TECRL: variants seen among roughly 807,000 people sequenced by gnomAD.
The protein encoded by TECRL is trans-2,3-enoyl-CoA reductase-like.
A neutral mutation model predicts 52.8 loss-of-function variants in TECRL; 63 were observed. That is an observed-to-expected ratio of 1.19 (90% confidence interval 0.97 to 1.47). The LOEUF is 1.47. TECRL is among the 40% of genes most tolerant of loss of function. The pLI is 0.00. For missense variants in TECRL, 482 were observed against 429.6 expected, an observed-to-expected ratio of 1.12 and a Z score of -1.08; for synonymous variants, 164 against 141.9, an observed-to-expected ratio of 1.16 and a Z score of -1.10.
rs1488586136 is a variant in TECRL, at chr4:64,326,260, T to C, written c.331+2252A>G. On this transcript the variant is annotated intron_variant, in intron 3 of 11. Transcript: ENST00000381210. ...TTTTCTATGTAGAAATCCAATCATT[T>C]TAAACATTAGAAATTTTCCCAGTCC... 6.6e-5 allele frequency among the ~76,000 whole-genome samples: 10 copies of C among 152,252 alleles called. No homozygotes were observed. In the East Asian group the frequency reaches 1.7e-3, roughly 26 times the overall value.
At chr4:64,345,378 T>G (rs1478525299) in intron 2 of TECRL, among the ~76,000 whole-genome samples, 1 of 151,946 alleles carries the variant, frequency 6.6e-6, no homozygotes, top group Non-Finnish European at 1.5e-5. Context: ...GCCATAAAAA[T>G]GATGAGTTCA....
intron 1 of TECRL, among the ~76,000 whole-genome samples, chr4:64,381,952 G>T (rs1019978463): frequency 3.3e-5 from 5 of 151,576 alleles, no homozygotes; most frequent in Non-Finnish European, 5.9e-5. Flanking sequence ...GCTGGACAAT[G>T]GAATGTTATG....
chr4:64,302,978 A>T (rs2109981369), intron 7 of TECRL, among the ~76,000 whole-genome samples: 1 of 151,306 alleles, frequency 6.6e-6, no homozygotes, highest in Non-Finnish European at 1.5e-5. Context: ...GTTTTTAAGA[A>T]TTTTTTTGTG....
intron 6 of TECRL, among the ~76,000 whole-genome samples, chr4:64,309,502 G>C (rs1724538965): frequency 6.6e-6 from 1 of 152,052 alleles, no homozygotes; most frequent in Admixed American, 6.6e-5. Context: ...ATATTTGTAG[G>C]AACGTTCTTA....
chr4:64,396,384 T>C (rs372103216), intron 1 of TECRL, among the ~76,000 whole-genome samples: 4 of 152,198 alleles, frequency 2.6e-5, no homozygotes, highest in African/African-American at 9.6e-5. Context: ...TGTGATGGTT[T>C]CTCATTGTGG....
intron 2 of TECRL, among the ~76,000 whole-genome samples, chr4:64,352,625 T>C (rs1720475816): frequency 6.6e-6 from 1 of 152,206 alleles, no homozygotes; most frequent in Non-Finnish European, 1.5e-5. Context: ...AACTTATATG[T>C]CTTTATTTTT....
At chr4:64,368,334 C>T (rs539151952) in intron 2 of TECRL, among the ~76,000 whole-genome samples, 1 of 152,052 alleles carries the variant, frequency 6.6e-6, no homozygotes, top group Non-Finnish European at 1.5e-5. Context: ...TTGCTGTTGT[C>T]GCCCAGGCTG....
chr4:64,344,660 A>G (rs1401382844), intron 2 of TECRL, among the ~76,000 whole-genome samples: 1 of 152,236 alleles, frequency 6.6e-6, no homozygotes, highest in Non-Finnish European at 1.5e-5. Context: ...CTCCTATGTG[A>G]AATGTAATGG....
chr4:64,349,728 G>A (rs1251780485), intron 2 of TECRL, among the ~76,000 whole-genome samples: 1 of 152,114 alleles, frequency 6.6e-6, no homozygotes, highest in African/African-American at 2.4e-5. Flanking sequence ...ATGTTGTGGT[G>A]CACAGCCAGG....
At chr4:64,331,073 C>T (rs576396609) in intron 2 of TECRL, among the ~76,000 whole-genome samples, 13 of 152,038 alleles carry the variant, frequency 8.6e-5, no homozygotes, top group Non-Finnish European at 1.8e-4. Flanking sequence ...CATTGGGAAT[C>T]TATATAAAGC....
intron 1 of TECRL, among the ~76,000 whole-genome samples, chr4:64,405,424 A>T (rs1262300921): frequency 1.3e-5 from 2 of 152,124 alleles, no homozygotes; most frequent in African/African-American, 4.8e-5. Flanking sequence ...TTAAAAGACA[A>T]GTCATGATTT....
chr4:64,362,771 C>T (rs1002550484), intron 2 of TECRL, among the ~76,000 whole-genome samples: 38 of 151,948 alleles, frequency 2.5e-4, no homozygotes, highest in African/African-American at 9.2e-4. Flanking sequence ...TACATTGACT[C>T]TAAAAACAAG....
chr4:64,311,286 G>A (rs923420281), intron 5 of TECRL, among the ~76,000 whole-genome samples: 23 of 152,092 alleles, frequency 1.5e-4, no homozygotes, highest in Admixed American at 3.9e-4. Flanking sequence ...TGTATTATGT[G>A]GTGCAGATAC....
intron 5 of TECRL, among the ~76,000 whole-genome samples, chr4:64,311,692 A>T (rs1242642612): frequency 3.3e-5 from 5 of 152,166 alleles, no homozygotes; most frequent in Admixed American, 6.6e-5. Flanking sequence ...CATCATGCAC[A>T]TCACTGCTAA....
At chr4:64,297,762 A>T (rs1723771634) in intron 8 of TECRL, among the ~76,000 whole-genome samples, 1 of 151,168 alleles carries the variant, frequency 6.6e-6, no homozygotes, top group Non-Finnish European at 1.5e-5. Context: ...AATGAATAGC[A>T]GACCTCTTTA....
At chr4:64,356,854 G>A (rs1720812459) in intron 2 of TECRL, among the ~76,000 whole-genome samples, 1 of 152,102 alleles carries the variant, frequency 6.6e-6, no homozygotes, top group Non-Finnish European at 1.5e-5. Flanking sequence ...GGTGTGGAGG[G>A]GCTGGGCTCC....
At chr4:64,336,339 C>A (rs562163707) in intron 2 of TECRL, among the ~76,000 whole-genome samples, 67 of 152,268 alleles carry the variant, frequency 4.4e-4, no homozygotes, top group African/African-American at 1.6e-3. Flanking sequence ...GTTTGTATTT[C>A]TGTGGGATTG....
intron 8 of TECRL, among the ~76,000 whole-genome samples, chr4:64,290,555 C>A: frequency 6.6e-6 from 1 of 152,084 alleles, no homozygotes; most frequent in East Asian, 1.9e-4. Flanking sequence ...GTTGAGCACC[C>A]ATTAAACTCA....
At chr4:64,306,974 G>A (rs1385158280) in intron 6 of TECRL, among the ~76,000 whole-genome samples, 2 of 152,188 alleles carry the variant, frequency 1.3e-5, no homozygotes, top group Non-Finnish European at 2.9e-5. Flanking sequence ...TTTCTGTGGA[G>A]AGCTCTATAG....
Sources: gnomAD v4.1 joint callset for allele counts (sites outside exome capture counted in the v4.1 genomes callset) on GRCh38, gnomAD v4.1.1 for gene constraint, MANE v1.5 for transcripts, NCBI Gene and HGNC (gene_info 2026-07-23, HGNC 2026-07-21) for gene names.